The following GIPC3 variants were observed in gnomAD, a reference collection of about 807,000 sequenced individuals.
The protein encoded by GIPC3 is GIPC PDZ domain containing family member 3.
In GIPC3, 16 loss-of-function variants were observed where a neutral mutation model predicts 27.3. The observed-to-expected ratio is 0.59, with a 90% confidence interval of 0.40 to 0.89. GIPC3 has a LOEUF of 0.89. Among genes scored for constraint, GIPC3 ranks in the 40% least tolerant of loss-of-function variants. The pLI is 0.00. For synonymous variants in GIPC3, 194 were observed against 184.6 expected (o/e 1.05, Z -0.41); for missense variants, 440 against 442.1 (o/e 1.00, Z 0.04).
chr19:3,585,625 C>T lies in GIPC3; in HGVS notation c.28C>T (p.Arg10Trp), dbSNP rs1290909921. Reference protein sequence around the residue: MEGAAAREARGTETPRASAP... With the variant: MEGAAAREAWGTETPRASAP... The stretch of plus-strand genomic sequence containing the variant: ...GGAGGGAGCAGCGGCCCGGGAGGCC[C>T]GGGGGACCGAGACCCCGCGCGCGTC... The change falls in exon 1 of 6, where the codon CGG (arginine) becomes TGG (tryptophan). Residue 10 changes from arginine to tryptophan, a missense_variant. Coordinates refer to ENST00000644452, the MANE Select transcript of GIPC3 (RefSeq NM_133261.3). 4.3e-6 allele frequency: 5 copies of T among 1,173,188 alleles called. No individual in the cohort carries two copies. The highest frequency in any genetic ancestry group is 4.2e-5 in the South Asian group (1 of 23,992). The allele number at this position is 1,173,188 out of a possible 1,614,324, so 72.7% of individuals were successfully genotyped here.
chr19:3,587,040 C>A lies in GIPC3; in HGVS notation c.592+46C>A, dbSNP rs747494110. 3.2e-6 allele frequency: 5 copies of A among 1,564,530 alleles called. No homozygotes were observed. The South Asian group carries it at 3.4e-5, about 11-fold the overall frequency. ...GGAGCTCTTCCCGAAGTGCGTTCTA[C>A]GGATGCCTGGGGTGGAGGAGGGTCG... is the stretch of plus-strand genomic sequence containing the variant. On this transcript the variant is annotated intron_variant, in intron 3 of 5. Transcript: ENST00000644452.
Position 3,590,738 on chromosome 19 carries a change from C to T in GIPC3, c.*548C>T, listed in dbSNP as rs1271592762. 1.2e-5 allele frequency: 13 copies of T among 1,049,072 alleles called. No homozygotes were observed. The East Asian group carries it at 4.1e-4, about 33-fold the overall frequency. 65.0% of individuals were successfully genotyped at this position (1,049,072 alleles called of 1,614,324 possible). ...AGATGGGCTCTGAGACCATGCCCAG[C>T]TCTAGAACTCAGATGGGCTCTGAGA... is the stretch of plus-strand genomic sequence containing the variant. On this transcript the variant is annotated 3_prime_UTR_variant, in exon 6 of 6. Coordinates refer to ENST00000644452, the MANE Select transcript of GIPC3 (RefSeq NM_133261.3).
Position 3,591,970 on chromosome 19 carries a change from C to T in GIPC3, c.*1780C>T. 1 of 1,232,054 alleles carries T rather than the reference C, an allele frequency of 8.1e-7. No homozygotes were observed. Among genetic ancestry groups the T allele is most frequent in the Middle Eastern group, 3.1e-4 (1 of 3,210 alleles). The allele number at this position is 1,232,054 out of a possible 1,614,324, so 76.3% of individuals were successfully genotyped here. ...TCCAGAGCTCAATCCAGCCCAAGCA[C>T]CGCACCCAGCTCTGGAACTCAGCTC... On this transcript the variant is annotated 3_prime_UTR_variant, in exon 6 of 6. Coordinates refer to ENST00000644452, the MANE Select transcript of GIPC3 (RefSeq NM_133261.3).
At chr19:3,586,371 C>A in intron 1 of GIPC3, 124 bp from the exon 2 acceptor site, 1 of 858,368 alleles carries the variant, frequency 1.2e-6, no homozygotes, top group Non-Finnish European at 1.9e-6. Flanking sequence ...CTGGGGGTCC[C>A]ACGCCCTGCC....
rs766890798 is a variant in GIPC3 at position 3,593,228 on chromosome 19, G to C, written c.*3038G>C. ...AGCTGTCTGAGTCCCCAGCTTTGGCGCCAGCCCTTTGCCCCACTCTGGGGG... is the reference window on the plus strand; with the variant it reads ...AGCTGTCTGAGTCCCCAGCTTTGGCCCCAGCCCTTTGCCCCACTCTGGGGG... On this transcript the variant is annotated 3_prime_UTR_variant, in exon 6 of 6. Transcript: ENST00000644452. The C allele has an allele frequency of 1.6e-6, 2 of 1,232,580 alleles. No individual in the cohort carries two copies. Among genetic ancestry groups the C allele is most frequent in the Non-Finnish European group, 2.0e-6 (2 of 988,342 alleles). The allele number at this position is 1,232,580 out of a possible 1,614,324, so 76.4% of individuals were successfully genotyped here.
chr19:3,590,436 A>G lies in GIPC3; in HGVS notation c.*246A>G. ...CAGCATTGAGAATAAGCTCTGTTCTAAAACTCAGGCCAGCCCTGAGACCAA... is the reference window on the plus strand; with the variant it reads ...CAGCATTGAGAATAAGCTCTGTTCTGAAACTCAGGCCAGCCCTGAGACCAA... On this transcript the variant is annotated 3_prime_UTR_variant, in exon 6 of 6. Transcript: ENST00000644452. 1 of 1,428,886 alleles carries G rather than the reference A, an allele frequency of 7.0e-7. No individual in the cohort carries two copies. Among genetic ancestry groups the G allele is most frequent in the Non-Finnish European group, 9.1e-7 (1 of 1,096,400 alleles). 88.5% of individuals were successfully genotyped at this position (1,428,886 alleles called of 1,614,324 possible).
rs531054314 is a variant in GIPC3 at position 3,586,727 on chromosome 19, G to GC, written c.411+55dup. ...GGTGGCTTCCTGGGGTCCAGCAACT[G>GC]CCCCCCCCACTCTGGGTCGACGTGG... On this transcript the variant is annotated intron_variant, in intron 2 of 5. Coordinates refer to ENST00000644452, the MANE Select transcript of GIPC3 (RefSeq NM_133261.3). 2,975 of 1,592,958 alleles carry GC rather than the reference G, an allele frequency of 1.9e-3. 8 individuals are homozygous for GC. The highest frequency in any genetic ancestry group is 0.012 in the Admixed American group (730 of 59,834).
rs927394211 is a variant in GIPC3, at chr19:3,590,226, G to A, written c.*36G>A. The A allele has an allele frequency of 1.9e-6, 3 of 1,558,896 alleles. No individual in the cohort carries two copies. In the African/African-American group the frequency reaches 4.1e-5, roughly 21 times the overall value. ...GGGGGCCCAGCACAGCCCCAGCCCG[G>A]AGCCCAGCCCCCTGCCCCGGCCCTG... On this transcript the variant is annotated 3_prime_UTR_variant, in exon 6 of 6. Transcript: ENST00000644452.
At chr19:3,588,475 A>G (rs1302493126) in intron 3 of GIPC3, among the ~76,000 whole-genome samples, 1 of 151,936 alleles carries the variant, frequency 6.6e-6, no homozygotes, top group African/African-American at 2.4e-5. Context: ...TCCCAGGGAG[A>G]GTGAGCTGTA....
Position 3,593,412 on chromosome 19 carries a change from G to A in GIPC3, c.*3222G>A, listed in dbSNP as rs981076022. The stretch of plus-strand genomic sequence containing the variant: ...CAGGCGGTGGTAGGGAGTGTGCGGT[G>A]GTGAAAACAGGGGCTTCACCGGTCC... On this transcript the variant is annotated 3_prime_UTR_variant, in exon 6 of 6. Transcript: ENST00000644452. The A allele has an allele frequency of 9.3e-6, 8 of 857,770 alleles. No homozygotes were observed. The highest frequency in any genetic ancestry group is 1.7e-5 in the African/African-American group (1 of 57,196). The allele number at this position is 857,770 out of a possible 1,614,324, so 53.1% of individuals were successfully genotyped here. A position where few individuals can be genotyped will look rare whatever the true frequency, so the allele number is the denominator to read the frequency against.
chr19:3,590,894 G>T lies in GIPC3; in HGVS notation c.*704G>T. The T allele has an allele frequency of 8.1e-7, 1 of 1,235,962 alleles. No homozygotes were observed. Among genetic ancestry groups the T allele is most frequent in the Non-Finnish European group, 1.0e-6 (1 of 990,518 alleles). The allele number at this position is 1,235,962 out of a possible 1,614,324, so 76.6% of individuals were successfully genotyped here. Reference sequence around the variant, plus strand: ...AGACCAAGCCCAGCTCTAGAACCCAGATGAGCTCTGAGACCATGCCCAGCT... The same window carrying T: ...AGACCAAGCCCAGCTCTAGAACCCATATGAGCTCTGAGACCATGCCCAGCT... On this transcript the variant is annotated 3_prime_UTR_variant, in exon 6 of 6. Transcript: ENST00000644452.
At position 3,586,657 on chromosome 19, in the gene GIPC3, G is replaced by A; in HGVS notation, c.388G>A (p.Gly130Arg). 35 of 1,612,798 alleles carry A rather than the reference G, an allele frequency of 2.2e-5. No individual in the cohort carries two copies. Among genetic ancestry groups the A allele is most frequent in the Non-Finnish European group, 3.0e-5 (35 of 1,179,484 alleles). Reference sequence around the variant, plus strand: ...TCTGGGGCTGACCATCACGGACAACGGGGCTGGCTACGCCTTCATCAAGGT... The same window carrying A: ...TCTGGGGCTGACCATCACGGACAACAGGGCTGGCTACGCCTTCATCAAGGT... ...DALGLTITDN[G>R]AGYAFIKRIK... The change falls in exon 2 of 6, where the codon GGG becomes AGG. Residue 130 changes from glycine (G) to arginine (R), a missense_variant. By Grantham distance (125) the Gly-to-Arg change is moderately radical. Transcript: ENST00000644452.
rs777236848 is a variant in GIPC3 at position 3,589,835 on chromosome 19, G to A, written c.710G>A (p.Ser237Asn). 1.2e-6 allele frequency: 2 copies of A among 1,613,840 alleles called. No individual in the cohort carries two copies. The highest frequency in any genetic ancestry group is 1.7e-6 in the Non-Finnish European group (2 of 1,180,002). ...GGAATVEEAP[S>N]EFEEEASRKV... The stretch of plus-strand genomic sequence containing the variant: ...TTCCCTCCCGTGTGCCCCCAGCCCA[G>A]TGAGTTTGAGGAGGAGGCATCTCGG... Residue 237 changes from serine (S) to asparagine (N), a missense_variant, in exon 5 of 6, where the codon AGT (serine) becomes AAT (asparagine). Coordinates refer to ENST00000644452, the MANE Select transcript of GIPC3 (RefSeq NM_133261.3).
In GIPC3 at chr19:3,591,944, C is replaced by T; in HGVS notation, c.*1754C>T. ...AGACCAATTTCAAGGCCTGGCCAAG[C>T]TCCAGAGCTCAATCCAGCCCAAGCA... On this transcript the variant is annotated 3_prime_UTR_variant, in exon 6 of 6. Coordinates refer to ENST00000644452, the MANE Select transcript of GIPC3 (RefSeq NM_133261.3). 8.1e-7 allele frequency: 1 copy of T among 1,232,366 alleles called. No homozygotes were observed. The highest frequency in any genetic ancestry group is 1.0e-6 in the Non-Finnish European group (1 of 988,228). The allele number at this position is 1,232,366 out of a possible 1,614,324, so 76.3% of individuals were successfully genotyped here.
chr19:3,589,920 G>A lies in GIPC3; in HGVS notation c.787+8G>A, dbSNP rs1252866223. 6.2e-7 allele frequency: 1 copy of A among 1,613,718 alleles called. No homozygotes were observed. The highest frequency in any genetic ancestry group is 1.3e-5 in the African/African-American group (1 of 75,068). ...TTCGGGACCCCGAGCTGGGTAAGGG[G>A]CCAGGGTAAGCCAGGGGGCCCTGGG... is the stretch of plus-strand genomic sequence containing the variant. On this transcript the variant is annotated splice_region_variant and intron_variant, in intron 5 of 5. Coordinates refer to ENST00000644452, the MANE Select transcript of GIPC3 (RefSeq NM_133261.3).
In GIPC3 at chr19:3,586,548, G is replaced by C; in HGVS notation, c.279G>C (p.Gly93=). The change falls in exon 2 of 6, where the codon GGG becomes GGC. Residue 93 remains glycine (G), a synonymous_variant. Coordinates refer to ENST00000644452, the MANE Select transcript of GIPC3 (RefSeq NM_133261.3). ...SHKVDMQKLL[G]GQIGLEDFIF... ...AAGTGGACATGCAGAAGCTCCTGGG[G>C]GGTCAGATAGGCCTGGAGGACTTCA... 1 of 1,613,906 alleles carries C rather than the reference G, an allele frequency of 6.2e-7. No individual in the cohort carries two copies. Among genetic ancestry groups the C allele is most frequent in the Non-Finnish European group, 8.5e-7 (1 of 1,179,994 alleles).
intron 5 of GIPC3, 46 bp from the exon 6 acceptor site, chr19:3,589,993 G>A (rs377024386): frequency 9.3e-6 from 15 of 1,613,082 alleles, no homozygotes; most frequent in East Asian, 4.5e-5. Context: ...GGGAAGTTGG[G>A]CGCGGGGAGT....
rs138345994 is a variant in GIPC3 at position 3,586,179 on chromosome 19, G to A, written c.226-316G>A. ...TTCCAGATGGCCCCCTTAGGGATGG[G>A]AAGTTTGAGGCCGCCGTGGGGTTGG... is the stretch of plus-strand genomic sequence containing the variant. On this transcript the variant is annotated intron_variant, in intron 1 of 5. Transcript: ENST00000644452. Among the ~76,000 whole-genome samples, 1,160 of 152,292 alleles carry A rather than the reference G, an allele frequency of 7.6e-3. 16 individuals carry two copies. The highest frequency in any genetic ancestry group is 0.024 in the African/African-American group (999 of 41,558).
At position 3,590,166 on chromosome 19, in the gene GIPC3, C is replaced by T. The variant is rs142749099; in HGVS notation, c.915C>T (p.Gly305=). 5.9e-5 allele frequency: 95 copies of T among 1,606,118 alleles called. No homozygotes were observed. Among genetic ancestry groups the T allele is most frequent in the Middle Eastern group, 1.8e-4 (1 of 5,634 alleles). The stretch of plus-strand genomic sequence containing the variant: ...TGGTGGAAGTGTGGGCCGCCATCGG[C>T]GAGGCCAGAGAGGCCTGTGGCTAGT... ...EFVVEVWAAI[G]EAREACG is the part of the protein sequence containing the mutation. The change falls in exon 6 of 6, where the codon GGC becomes GGT. Residue 305 remains glycine, a synonymous_variant. Transcript: ENST00000644452.
Sources: gnomAD v4.1 joint callset for allele counts (sites outside exome capture counted in the v4.1 genomes callset) on GRCh38, gnomAD v4.1.1 for gene constraint, MANE v1.5 for transcripts, NCBI Gene and HGNC (gene_info 2026-07-23, HGNC 2026-07-21) for gene names.